SMAD9: variants seen among roughly 807,000 people sequenced by gnomAD.
The protein encoded by SMAD9 is MAD homolog 9.
SMAD9 carries 36 observed loss-of-function variants against 46.1 expected under a neutral mutation model. That is an observed-to-expected ratio of 0.78 (90% CI 0.60 to 1.03). The LOEUF is 1.03. Ranked by LOEUF, SMAD9 falls within the 50% of genes least tolerant of loss-of-function variation. The pLI, the probability that SMAD9 is intolerant of heterozygous loss-of-function variation, is 0.00. For missense variants in SMAD9, 572 were observed against 599.8 expected (o/e 0.95, Z 0.48); for synonymous variants, 245 against 237.1 (o/e 1.03, Z -0.31).
At chr13:36,883,976 G>A (rs2058424929) in intron 1 of SMAD9, among the ~76,000 whole-genome samples, 1 of 152,080 alleles carries the variant, frequency 6.6e-6, no homozygotes, top group Non-Finnish European at 1.5e-5. Context: ...GGGTGTTTCT[G>A]AGCGATGGGT....
chr13:36,878,175 TACAC>T (rs58444769), intron 2 of SMAD9, among the ~76,000 whole-genome samples: 6,611 of 150,302 alleles, frequency 0.044, 340 homozygotes, highest in East Asian at 0.18. Flanking sequence ...ATAATATACA[TACAC>T]ACACACACAC....
chr13:36,885,723 A>T (rs2058439708), intron 1 of SMAD9, among the ~76,000 whole-genome samples: 1 of 151,862 alleles, frequency 6.6e-6, no homozygotes, highest in Admixed American at 6.6e-5. Context: ...GAGAGATTCC[A>T]AGGCATCTGT....
At chr13:36,873,744 T>C (rs891772325) in intron 2 of SMAD9, among the ~76,000 whole-genome samples, 1 of 152,010 alleles carries the variant, frequency 6.6e-6, no homozygotes, top group African/African-American at 2.4e-5. Context: ...GCACCTGTAA[T>C]CCCAGCTATT....
At chr13:36,909,950 C>A (rs933821966) in intron 1 of SMAD9, among the ~76,000 whole-genome samples, 3 of 152,194 alleles carry the variant, frequency 2.0e-5, no homozygotes, top group African/African-American at 7.2e-5. Context: ...GTAATCCCAG[C>A]ATTTTGGGAG....
chr13:36,883,153 T>C (rs9566168), intron 1 of SMAD9, among the ~76,000 whole-genome samples: 24,693 of 152,120 alleles, frequency 0.16, 2,496 homozygotes, highest in East Asian at 0.32. Flanking sequence ...CAGCTTTCCA[T>C]TGTCAGAGAA....
chr13:36,886,376 G>A (rs536892643), intron 1 of SMAD9, among the ~76,000 whole-genome samples: 2 of 152,358 alleles, frequency 1.3e-5, no homozygotes, highest in South Asian at 4.1e-4. Context: ...CAGGAGGATG[G>A]GAGATGGAGC....
At chr13:36,878,951 TTC>T (rs1246184783) in intron 2 of SMAD9, among the ~76,000 whole-genome samples, 1 of 152,208 alleles carries the variant, frequency 6.6e-6, no homozygotes, top group Non-Finnish European at 1.5e-5. Context: ...TGAAAATATC[TTC>T]TTTCTAGATT....
intron 5 of SMAD9, among the ~76,000 whole-genome samples, chr13:36,856,798 C>CTTT (rs34107763): frequency 0.035 from 4,315 of 123,336 alleles, 169 homozygotes; most frequent in African/African-American, 0.061. Context: ...GTGACCTGCA[C>CTTT]TTTTTTTTTT....
intron 1 of SMAD9, among the ~76,000 whole-genome samples, chr13:36,915,588 A>G (rs906564936): frequency 2.6e-5 from 4 of 152,220 alleles, no homozygotes; most frequent in Non-Finnish European, 5.9e-5. Flanking sequence ...TAATATCTAA[A>G]AAAGAGGAAT....
At chr13:36,877,445 A>C (rs2058356085) in intron 2 of SMAD9, among the ~76,000 whole-genome samples, 1 of 152,332 alleles carries the variant, frequency 6.6e-6, no homozygotes, top group South Asian at 2.1e-4. Context: ...TACATTTTAC[A>C]AGATATTTCT....
At chr13:36,911,163 G>A (rs2058657826) in intron 1 of SMAD9, among the ~76,000 whole-genome samples, 1 of 151,952 alleles carries the variant, frequency 6.6e-6, no homozygotes, top group Admixed American at 6.6e-5. Flanking sequence ...GCCCCACCAA[G>A]ACCAGCTAAA....
At chr13:36,867,502 A>G (rs376838838) in intron 3 of SMAD9, 119 bp from the exon 4 acceptor site, 22 of 610,074 alleles carry the variant, frequency 3.6e-5, no homozygotes, top group Middle Eastern at 2.6e-4. Flanking sequence ...ACTCCTACAG[A>G]GAGACCATAT....
chr13:36,906,104 T>C (rs1277299824), intron 1 of SMAD9, among the ~76,000 whole-genome samples: 2 of 152,098 alleles, frequency 1.3e-5, no homozygotes, highest in African/African-American at 4.8e-5. Flanking sequence ...TGATCAAATT[T>C]CTACAGCCAC....
At chr13:36,898,948 A>G (rs758968932) in intron 1 of SMAD9, among the ~76,000 whole-genome samples, 14 of 152,198 alleles carry the variant, frequency 9.2e-5, no homozygotes, top group Non-Finnish European at 2.1e-4. Context: ...ACCAAATACA[A>G]GCATAAAGAT....
intron 1 of SMAD9, among the ~76,000 whole-genome samples, chr13:36,902,293 G>C (rs1339280840): frequency 1.3e-5 from 2 of 152,090 alleles, no homozygotes; most frequent in Non-Finnish European, 2.9e-5. Flanking sequence ...TGAAATCCTT[G>C]TCAAAAATCA....
At chr13:36,867,976 C>T (rs547475460) in intron 3 of SMAD9, among the ~76,000 whole-genome samples, 14 of 152,302 alleles carry the variant, frequency 9.2e-5, no homozygotes, top group African/African-American at 2.9e-4. Context: ...ACAGTAAAAA[C>T]TCATGAGGCA....
intron 5 of SMAD9, among the ~76,000 whole-genome samples, chr13:36,860,226 T>G (rs1440993407): frequency 1.3e-5 from 2 of 152,074 alleles, no homozygotes; most frequent in African/African-American, 2.4e-5. Flanking sequence ...AGATAATTCC[T>G]TTCATAAAAC....
At chr13:36,909,745 A>ATAGTCAC (rs2058645407) in intron 1 of SMAD9, among the ~76,000 whole-genome samples, 3 of 152,220 alleles carry the variant, frequency 2.0e-5, no homozygotes, top group Admixed American at 2.0e-4. Flanking sequence ...AATGGAAACA[A>ATAGTCAC]TAGTCACTAC....
intron 1 of SMAD9, among the ~76,000 whole-genome samples, chr13:36,900,674 T>C (rs1593615201): frequency 7.2e-6 from 1 of 139,812 alleles, no homozygotes; most frequent in East Asian, 2.1e-4. Context: ...ACTAAAACTA[T>C]CATTATGACT....
Sources: gnomAD v4.1 joint callset for allele counts (sites outside exome capture counted in the v4.1 genomes callset) on GRCh38, gnomAD v4.1.1 for gene constraint, MANE v1.5 for transcripts, NCBI Gene and HGNC (gene_info 2026-07-23, HGNC 2026-07-21) for gene names.